The following GSDMC variants were observed in gnomAD, a reference collection of about 807,000 sequenced individuals.
The protein encoded by GSDMC is gasdermin C, also known as gasdermin-C.
Under a neutral mutation model 58.0 loss-of-function variants are expected in GSDMC, and 59 were observed. That is an observed-to-expected ratio of 1.02 (90% CI 0.82 to 1.26). The LOEUF is 1.26. Ranked by LOEUF, GSDMC falls within the 50% of genes most tolerant of loss-of-function variation. The probability of loss-of-function intolerance (pLI) is 0.00; values close to 1 mark genes in which losing one functional copy is unlikely to be tolerated. For synonymous variants in GSDMC, 241 were observed against 220.2 expected, an observed-to-expected ratio of 1.09 and a Z score of -0.83; for missense variants, 659 against 598.5, an observed-to-expected ratio of 1.10 and a Z score of -1.06.
At chr8:129,741,915 A>ATATATATATATATATATATAT in the GSDMC span, among the ~76,000 whole-genome samples, 1 of 126,272 alleles carries the variant, frequency 7.9e-6, no homozygotes, top group Non-Finnish European at 1.6e-5. Context: ...AAGAAAATGT[A>ATATATATATATATATATATAT]ATATATATAT....
At chr8:129,747,114 G>A (rs181190015), downstream of GSDMC, among the ~76,000 whole-genome samples, 184 of 151,882 alleles carry the variant, frequency 1.2e-3, no homozygotes, top group Non-Finnish European at 1.8e-3. Context: ...AAAATTAGCC[G>A]AGTGTGGTGG....
chr8:129,756,641 C>T (rs1563794061), intron 6 of GSDMC, among the ~76,000 whole-genome samples: 1 of 152,036 alleles, frequency 6.6e-6, no homozygotes, highest in Non-Finnish European at 1.5e-5. Context: ...CTCAATGATA[C>T]ATCATATGTT....
chr8:129,750,585 C>G lies in GSDMC; in HGVS notation c.944-15G>C, dbSNP rs756073102. 3 of 1,611,412 alleles carry G rather than the reference C, an allele frequency of 1.9e-6. No individual in the cohort carries two copies. Among genetic ancestry groups the G allele is most frequent in the Non-Finnish European group, 2.5e-6 (3 of 1,178,812 alleles). ...ATGCTTGAAATCTGCTCTCAGGCAT[C>G]AACGCCGACCAGAAAGTGGGGACAA... On this transcript the variant is annotated splice_polypyrimidine_tract_variant and intron_variant, in intron 10 of 13. Coordinates refer to ENST00000276708, the MANE Select transcript of GSDMC (RefSeq NM_031415.3).
intron 1 of GSDMC, among the ~76,000 whole-genome samples, chr8:129,783,275 T>C (rs2034468104): frequency 1.3e-5 from 2 of 151,448 alleles, no homozygotes; most frequent in Admixed American, 1.3e-4. Context: ...ATAAAGGGCA[T>C]CCAAATTGGA....
At chr8:129,783,720 T>C (rs997555197) in intron 1 of GSDMC, among the ~76,000 whole-genome samples, 1 of 152,108 alleles carries the variant, frequency 6.6e-6, no homozygotes, top group African/African-American at 2.4e-5. Context: ...ATGACATTCT[T>C]CACAGAAAGA....
chr8:129,736,355 A>AAT, the GSDMC span, among the ~76,000 whole-genome samples: 1 of 152,242 alleles, frequency 6.6e-6, no homozygotes, highest in Non-Finnish European at 1.5e-5. Context: ...ATTTTAGACC[A>AAT]ATATCCCTGA....
the GSDMC span, among the ~76,000 whole-genome samples, chr8:129,713,314 G>T: frequency 2.4e-4 from 37 of 152,292 alleles, no homozygotes; most frequent in African/African-American, 8.2e-4. Flanking sequence ...GTGACTGGCC[G>T]TGGGGAGGCA....
downstream of GSDMC, chr8:129,748,175 T>A: frequency 5.6e-6 from 1 of 179,286 alleles, no homozygotes; most frequent in East Asian, 1.4e-4. Context: ...CCCAAAACAA[T>A]TCAAAATGCA....
chr8:129,758,706 A>C (rs2033537697), intron 6 of GSDMC, among the ~76,000 whole-genome samples: 1 of 152,202 alleles, frequency 6.6e-6, no homozygotes, highest in Admixed American at 6.5e-5. Flanking sequence ...TGATGAAAGA[A>C]ATTGAAGAAG....
chr8:129,740,549 G>A, the GSDMC span, among the ~76,000 whole-genome samples: 1 of 152,098 alleles, frequency 6.6e-6, no homozygotes, highest in African/African-American at 2.4e-5. Context: ...ACATTAACAT[G>A]CTGTACAGGT....
At chr8:129,775,284 G>C (rs4733740) in intron 3 of GSDMC, among the ~76,000 whole-genome samples, 4 of 152,146 alleles carry the variant, frequency 2.6e-5, no homozygotes, top group African/African-American at 9.7e-5. Context: ...AACCTTGATG[G>C]CATTATGCTA....
the GSDMC span, among the ~76,000 whole-genome samples, chr8:129,717,077 T>TTTG: frequency 6.6e-6 from 1 of 152,046 alleles, no homozygotes; most frequent in East Asian, 1.9e-4. Context: ...CCTGAAATTT[T>TTTG]TTGTTGTTGT....
At chr8:129,727,801 A>G in the GSDMC span, among the ~76,000 whole-genome samples, 320 of 152,294 alleles carry the variant, frequency 2.1e-3, 1 homozygote, top group African/African-American at 7.2e-3. Flanking sequence ...AGAACTGTGC[A>G]AAGTGCCTCA....
chr8:129,777,551 C>A lies in GSDMC; in HGVS notation c.37G>T (p.Val13Phe). ...AGGTCTTTGCTTCCAATCTCTTTGA[C>A]CAAATTTTTGCTAATGCGTTCCAAC... ...SMLERISKNLVKEIGSKDLTP... is the reference protein window; with the variant it reads ...SMLERISKNLFKEIGSKDLTP... The change falls in exon 2 of 14, where the codon GTC becomes TTC. Residue 13 changes from valine (V) to phenylalanine (F), a missense_variant. Coordinates refer to ENST00000276708, the MANE Select transcript of GSDMC (RefSeq NM_031415.3). 1.9e-6 allele frequency: 3 copies of A among 1,612,650 alleles called. No individual in the cohort carries two copies. The highest frequency in any genetic ancestry group is 2.5e-6 in the Non-Finnish European group (3 of 1,179,194).
chr8:129,735,664 C>G, the GSDMC span, among the ~76,000 whole-genome samples: 1 of 152,084 alleles, frequency 6.6e-6, no homozygotes, highest in Non-Finnish European at 1.5e-5. Context: ...GCAGTGTGTA[C>G]AGGGAAATTT....
the GSDMC span, among the ~76,000 whole-genome samples, chr8:129,738,572 G>T: frequency 6.6e-6 from 1 of 152,048 alleles, no homozygotes; most frequent in African/African-American, 2.4e-5. Flanking sequence ...ACCAAACACC[G>T]CATGTTCTCA....
At chr8:129,734,444 C>T in the GSDMC span, among the ~76,000 whole-genome samples, 2 of 152,176 alleles carry the variant, frequency 1.3e-5, no homozygotes, top group Admixed American at 6.5e-5. Context: ...AGGTTACCCA[C>T]AAAAGGAAGT....
chr8:129,757,248 G>A (rs1259440222), intron 6 of GSDMC, among the ~76,000 whole-genome samples: 1 of 151,708 alleles, frequency 6.6e-6, no homozygotes, highest in Non-Finnish European at 1.5e-5. Flanking sequence ...AAATTTAAAG[G>A]ATCATTAGTG....
the GSDMC span, among the ~76,000 whole-genome samples, chr8:129,728,065 G>C: frequency 6.6e-6 from 1 of 152,072 alleles, no homozygotes; most frequent in African/African-American, 2.4e-5. Context: ...AGCAGCCTAA[G>C]CTGCCCCATC....
Sources: allele counts gnomAD v4.1 joint callset (sites outside exome capture counted in the v4.1 genomes callset), GRCh38; gene constraint gnomAD v4.1.1; transcripts MANE v1.5; gene names NCBI Gene and HGNC (gene_info 2026-07-23, HGNC 2026-07-21).